JAK3: variants seen among roughly 807,000 people sequenced by gnomAD.
JAK3 encodes tyrosine-protein kinase JAK3.
A neutral mutation model predicts 120.8 loss-of-function variants in JAK3; 88 were observed. The ratio of observed to expected loss-of-function variants is 0.73; its 90% CI spans 0.61 to 0.87. The LOEUF (loss-of-function observed/expected upper bound fraction) is 0.87. JAK3 is among the 40% of genes least tolerant of loss of function. The probability of loss-of-function intolerance (pLI) is 0.00; values close to 1 mark genes in which losing one functional copy is unlikely to be tolerated. For missense variants in JAK3, 1,254 were observed against 1,501.4 expected (o/e 0.84, Z 2.72); for synonymous variants, 592 against 628.6 (o/e 0.94, Z 0.87).
chr19:17,843,699 G>T lies in JAK3; in HGVS notation c.308+78C>A. On this transcript the variant is annotated intron_variant, in intron 3 of 23. Transcript: ENST00000458235. This position sits in a 1 kb window ranked among gnomAD's most constrained non-coding sequence, Gnocchi z 5.4. ...ATGGGTAGTGACCATACCTCCCTGG[G>T]GCAGGGGTGTGGGCACCTCGAAATG... 6.5e-7 allele frequency: 1 copy of T among 1,546,896 alleles called. No individual in the cohort carries two copies. The highest frequency in any genetic ancestry group is 2.2e-5 in the East Asian group (1 of 44,508).
chr19:17,831,134 G>A lies in JAK3; in HGVS notation c.2978+94C>T. 1.4e-6 allele frequency: 2 copies of A among 1,387,200 alleles called. No individual in the cohort carries two copies. The highest frequency in any genetic ancestry group is 4.7e-5 in the East Asian group (2 of 42,344). 85.9% of individuals were successfully genotyped at this position (1,387,200 alleles called of 1,614,324 possible). On this transcript the variant is annotated intron_variant, in intron 21 of 23. Coordinates refer to ENST00000458235, the MANE Select transcript of JAK3 (RefSeq NM_000215.4). The surrounding 1 kb of genome is among the most constrained non-coding windows in gnomAD (Gnocchi z 5.1). ...GCGGAGGAAGGGCGGGGCTAAGGCT[G>A]GGGAGCAAAGCAGCGGGAGGGGGCG...
rs2094229647 is a variant in JAK3 at position 17,838,392 on chromosome 19, T to C, written c.1442-2A>G. On this transcript the variant is annotated splice_acceptor_variant, in intron 10 of 23. Transcript: ENST00000458235. LOFTEE classifies it high-confidence loss of function. ...GGACCACGATCAGGTTGGACTTTTC[T>C]ATGGGGAGAGGATGAGGGAGAAAAA... 1 of 1,614,118 alleles carries C rather than the reference T, an allele frequency of 6.2e-7. No individual in the cohort carries two copies. The highest frequency in any genetic ancestry group is 8.5e-7 in the Non-Finnish European group (1 of 1,180,006).
chr19:17,830,057 C>A, intron 23 of JAK3, 51 bp downstream of exon 23: 1 of 1,391,874 alleles, frequency 7.2e-7, no homozygotes, highest in Non-Finnish European at 1.0e-6. Flanking sequence ...TGCCCGAGAC[C>A]CCGGCCCAAT....
In JAK3 at chr19:17,830,147, C is replaced by T; in HGVS notation, c.3168G>A (p.Glu1056=). The T allele has an allele frequency of 6.3e-7, 1 of 1,594,158 alleles. No homozygotes were observed. Among genetic ancestry groups the T allele is most frequent in the Non-Finnish European group, 8.5e-7 (1 of 1,171,476 alleles). Reference sequence around the variant, plus strand: ...CAGGAGGCGCCGGCAGCCTCTGGCCCTCCTCCAGCAGTTCCAAGAGGCGGC... The same window carrying T: ...CAGGAGGCGCCGGCAGCCTCTGGCCTTCCTCCAGCAGTTCCAAGAGGCGGC... ...ALCRLLELLE[E]GQRLPAPPAC... is the part of the protein sequence containing the mutation. Residue 1056 remains glutamate (E), a synonymous_variant, in exon 23 of 24, where the codon GAG becomes GAA. Coordinates refer to ENST00000458235, the MANE Select transcript of JAK3 (RefSeq NM_000215.4).
At position 17,830,007 on chromosome 19, in the gene JAK3, G is replaced by C. The variant is rs3212781; in HGVS notation, c.3207+101C>G. Reference sequence around the variant, plus strand: ...GGATCCTCATCGGCCTCACACTCTAGCCTTTCTTCTCAGTACAGAGACTCA... The same window carrying C: ...GGATCCTCATCGGCCTCACACTCTACCCTTTCTTCTCAGTACAGAGACTCA... On this transcript the variant is annotated intron_variant, in intron 23 of 23. Coordinates refer to ENST00000458235, the MANE Select transcript of JAK3 (RefSeq NM_000215.4). 202,020 of 858,540 alleles carry C rather than the reference G, an allele frequency of 0.24. 26,485 individuals carry two copies. Among genetic ancestry groups the C allele is most frequent in the Non-Finnish European group, 0.27 (144,180 of 525,362 alleles). 53.2% of individuals were successfully genotyped at this position (858,540 alleles called of 1,614,324 possible).
chr19:17,837,106 G>T (rs1179876175), intron 13 of JAK3, 23 bp downstream of exon 13: 2 of 1,249,184 alleles, frequency 1.6e-6, no homozygotes, highest in Admixed American at 4.3e-5. Context: ...CAGGGGTGGG[G>T]TGGGTGGGTG....
chr19:17,827,435 C>A (rs534419150), intron 23 of JAK3, among the ~76,000 whole-genome samples: 3 of 151,674 alleles, frequency 2.0e-5, no homozygotes, highest in Non-Finnish European at 2.9e-5. Context: ...GCAAACCCTG[C>A]CTCCTGGGTT....
rs149316157 is a variant in JAK3 at position 17,836,001 on chromosome 19, G to A, written c.1837C>T (p.Arg613Ter). The change falls in exon 14 of 24, where the codon CGA becomes TGA. Residue 613 changes from arginine (R) to a stop codon, truncating the protein, a stop_gained. Coordinates refer to ENST00000458235, the MANE Select transcript of JAK3 (RefSeq NM_000215.4). LOFTEE classifies it high-confidence loss of function. ...VHLGAIDMYLRKRGHLVPASW... is the reference protein window; with the variant it reads ...VHLGAIDMYL ...GCTGGCACCAGGTGGCCACGTTTTC[G>A]CAGATACATGTCTATGGCCCCCAGG... 6.2e-6 allele frequency: 10 copies of A among 1,614,106 alleles called. No individual in the cohort carries two copies. The highest frequency in any genetic ancestry group is 1.1e-5 in the South Asian group (1 of 91,088).
chr19:17,837,229 A>G lies in JAK3; in HGVS notation c.1702-16T>C. The G allele has an allele frequency of 1.3e-6, 2 of 1,554,828 alleles. No individual in the cohort carries two copies. Among genetic ancestry groups the G allele is most frequent in the Admixed American group, 3.8e-5 (2 of 51,974 alleles). ...CCAGGAATGACTGGGGAAGGTGGGA[A>G]GGGAGAGAAGATGCGTGGGTTTCTT... is the stretch of plus-strand genomic sequence containing the variant. On this transcript the variant is annotated splice_polypyrimidine_tract_variant and intron_variant, in intron 12 of 23. Transcript: ENST00000458235.
rs2094215153 is a variant in JAK3, at chr19:17,831,842, G to C, written c.2681-44C>G. The C allele has an allele frequency of 6.2e-7, 1 of 1,606,372 alleles. No homozygotes were observed. The highest frequency in any genetic ancestry group is 8.5e-7 in the Non-Finnish European group (1 of 1,175,662). On this transcript the variant is annotated intron_variant, in intron 19 of 23. Transcript: ENST00000458235. The surrounding 1 kb of genome is among the most constrained non-coding windows in gnomAD (Gnocchi z 5.1). ...GTCACAGCAGGGCCCAGCCCTGCTC[G>C]TCCCCCCATTCTTCCCCCCTTTCAC...
In JAK3 at chr19:17,842,262, TC is replaced by T. The variant is rs2094241286; in HGVS notation, c.861+53del. 1.8e-6 allele frequency: 1 copy of T among 542,536 alleles called. No individual in the cohort carries two copies. The allele number at this position is 542,536 out of a possible 1,614,324, so 33.6% of individuals were successfully genotyped here. ...ACATCCCCTACCACTCTCCGGCCCC[TC>T]CCCGAGCCCCGCCCCCACGTTGGCC... is the stretch of plus-strand genomic sequence containing the variant. On this transcript the variant is annotated intron_variant, in intron 6 of 23. Coordinates refer to ENST00000458235, the MANE Select transcript of JAK3 (RefSeq NM_000215.4). The surrounding 1 kb of genome is among the most constrained non-coding windows in gnomAD (Gnocchi z 6.4).
At chr19:17,839,729 CT>C (rs1166394621) in intron 9 of JAK3, 66 bp from the exon 10 acceptor site, 96 of 1,133,964 alleles carry the variant, frequency 8.5e-5, no homozygotes, top group Non-Finnish European at 1.1e-4. Flanking sequence ...GTCCTTCTTC[CT>C]TTTTTTTCTT....
In JAK3 at chr19:17,841,924, C is replaced by T. The variant is rs1056430333; in HGVS notation, c.862-162G>A. Among the ~76,000 whole-genome samples, 8 of 151,816 alleles carry T rather than the reference C, an allele frequency of 5.3e-5. No individual in the cohort carries two copies. Among genetic ancestry groups the T allele is most frequent in the African/African-American group, 1.7e-4 (7 of 41,282 alleles). ...TCAACTCCAACCTCTCAACACCTCC[C>T]CTACCCATCCCCAAACATCTCCCAC... On this transcript the variant is annotated intron_variant, in intron 6 of 23. Transcript: ENST00000458235. The surrounding 1 kb of genome is among the most constrained non-coding windows in gnomAD (Gnocchi z 4.1).
In JAK3 at chr19:17,834,691, G is replaced by A. The variant is rs544257390; in HGVS notation, c.2230C>T (p.Leu744=). The A allele has an allele frequency of 1.9e-6, 3 of 1,614,098 alleles. No individual in the cohort carries two copies. Among genetic ancestry groups the A allele is most frequent in the African/African-American group, 1.3e-5 (1 of 75,014 alleles). ...KLQFYEDRQQ[L]PAPKWTELAL... is the part of the protein sequence containing the mutation. ...AGCTCTGTCCACTTGGGGGCCGGCA[G>A]CTGCTGCCGGTCCTCATAAAATTGG... The change falls in exon 17 of 24, where the codon CTG becomes TTG. Residue 744 remains leucine (L), a synonymous_variant. Transcript: ENST00000458235.
chr19:17,838,223 C>T (rs2147688151), intron 11 of JAK3, 40 bp downstream of exon 11: 6 of 1,613,622 alleles, frequency 3.7e-6, no homozygotes, highest in Non-Finnish European at 5.1e-6. Flanking sequence ...GTCTCTGGAC[C>T]CCAGACTGAG....
chr19:17,837,831 C>T (rs2147687175), intron 12 of JAK3, 101 bp downstream of exon 12: 2 of 1,542,024 alleles, frequency 1.3e-6, no homozygotes, highest in Non-Finnish European at 8.9e-7. Context: ...CAGGCATGAG[C>T]CACCACGCCC....
chr19:17,829,150 A>ATTTG (rs201021375), intron 23 of JAK3, among the ~76,000 whole-genome samples: 2,067 of 151,172 alleles, frequency 0.014, 55 homozygotes, highest in African/African-American at 0.047. Flanking sequence ...TTTTTATCTT[A>ATTTG]TTTGTTTGTT....
At chr19:17,834,025 C>A (rs1352889548) in intron 17 of JAK3, among the ~76,000 whole-genome samples, 1 of 152,040 alleles carries the variant, frequency 6.6e-6, no homozygotes. Flanking sequence ...TAGGCATGAG[C>A]CACTGCGCCC....
At chr19:17,846,157 G>A (rs1392987876) in intron 1 of JAK3, among the ~76,000 whole-genome samples, 3 of 152,130 alleles carry the variant, frequency 2.0e-5, no homozygotes, top group Non-Finnish European at 4.4e-5. Context: ...GGACCCCTAG[G>A]ACTCAGCTTT....
Sources: allele counts gnomAD v4.1 joint callset (sites outside exome capture counted in the v4.1 genomes callset), GRCh38; gene constraint gnomAD v4.1.1; non-coding constraint Gnocchi (gnomAD v3.1); transcripts MANE v1.5; gene names NCBI Gene and HGNC (gene_info 2026-07-23, HGNC 2026-07-21).